The following RRAS2 variants were observed in gnomAD, a reference collection of about 807,000 sequenced individuals.
The protein encoded by RRAS2 is RAS related 2, also known as ras-related protein R-Ras2.
A neutral mutation model predicts 27.6 loss-of-function variants in RRAS2; 7 were observed. The observed-to-expected ratio is 0.25, with a 90% CI of 0.14 to 0.48. The LOEUF is 0.48. Among genes scored for constraint, RRAS2 ranks in the 20% least tolerant of loss-of-function variants. The probability of loss-of-function intolerance (pLI) is 0.99; values close to 1 mark genes in which losing one functional copy is unlikely to be tolerated. For missense variants in RRAS2, 178 were observed against 256.2 expected (o/e 0.69, Z 2.08); for synonymous variants, 86 against 90.9 (o/e 0.95, Z 0.31).
chr11:14,342,399 C>T (rs1426402707), intron 1 of RRAS2, among the ~76,000 whole-genome samples: 4 of 152,188 alleles, frequency 2.6e-5, no homozygotes, highest in Admixed American at 1.3e-4. Context: ...GAAATAATGA[C>T]CATGACGATG....
At chr11:14,324,207 A>C (rs1172018372) in intron 1 of RRAS2, among the ~76,000 whole-genome samples, 8 of 152,016 alleles carry the variant, frequency 5.3e-5, no homozygotes, top group Non-Finnish European at 1.2e-4. Context: ...GAATTCAGCA[A>C]GGTATTTGGA....
At chr11:14,286,412 G>C (rs1300639487) in intron 4 of RRAS2, among the ~76,000 whole-genome samples, 1 of 152,146 alleles carries the variant, frequency 6.6e-6, no homozygotes, top group African/African-American at 2.4e-5. Context: ...CAGGGTACCA[G>C]AACAGCATTT....
At chr11:14,342,939 C>T (rs986136331) in intron 1 of RRAS2, among the ~76,000 whole-genome samples, 13 of 151,978 alleles carry the variant, frequency 8.6e-5, no homozygotes, top group African/African-American at 2.9e-4. Flanking sequence ...GGAGTAAAAA[C>T]GAAGAAAAGT....
At chr11:14,306,388 G>A (rs1424469406) in intron 1 of RRAS2, among the ~76,000 whole-genome samples, 3 of 151,908 alleles carry the variant, frequency 2.0e-5, no homozygotes, top group South Asian at 2.1e-4. Flanking sequence ...GGCTGGTGTC[G>A]AACTCTAGGC....
At chr11:14,344,015 C>T (rs920548758) in intron 1 of RRAS2, among the ~76,000 whole-genome samples, 1 of 152,054 alleles carries the variant, frequency 6.6e-6, no homozygotes, top group Non-Finnish European at 1.5e-5. Context: ...TGGTGGCGCA[C>T]GCCTGTACTC....
At chr11:14,363,730 C>T (rs1554956410), upstream of RRAS2, among the ~76,000 whole-genome samples, 2 of 151,430 alleles carry the variant, frequency 1.3e-5, no homozygotes, top group Non-Finnish European at 2.9e-5. Flanking sequence ...GAGATCGTGC[C>T]ACTGCACTCC....
At chr11:14,342,319 CT>C (rs1238071226) in intron 1 of RRAS2, among the ~76,000 whole-genome samples, 3 of 152,334 alleles carry the variant, frequency 2.0e-5, no homozygotes, top group African/African-American at 7.2e-5. Flanking sequence ...CCCAGCTTCG[CT>C]TTTTACTTGC....
intron 1 of RRAS2, among the ~76,000 whole-genome samples, chr11:14,311,353 A>AC (rs1847960890): frequency 6.6e-6 from 1 of 152,140 alleles, no homozygotes; most frequent in Admixed American, 6.5e-5. Context: ...TCTTTAAAAA[A>AC]TAAAAATAAA....
At position 14,358,667 on chromosome 11, in the gene RRAS2, C is replaced by T. The variant is rs536114965; in HGVS notation, c.108+96G>A. 1,511 of 1,001,836 alleles carry T rather than the reference C, an allele frequency of 1.5e-3. 3 individuals are homozygous for T. The highest frequency in any genetic ancestry group is 1.7e-3 in the Non-Finnish European group (1,427 of 839,416). 62.1% of individuals were successfully genotyped at this position (1,001,836 alleles called of 1,614,324 possible). On this transcript the variant is annotated intron_variant, in intron 1 of 5. Coordinates refer to ENST00000256196, the MANE Select transcript of RRAS2 (RefSeq NM_012250.6). The surrounding 1 kb of genome is among the most constrained non-coding windows in gnomAD (Gnocchi z 5.1). ...GGCCCCGGCCCGGGCCCGCGAGGCGCCTCTGGGGCGAGGTCGCGGCGGCCG... is the reference window on the plus strand; with the variant it reads ...GGCCCCGGCCCGGGCCCGCGAGGCGTCTCTGGGGCGAGGTCGCGGCGGCCG...
intron 1 of RRAS2, among the ~76,000 whole-genome samples, chr11:14,341,281 C>T (rs1013030746): frequency 6.6e-6 from 1 of 152,130 alleles, no homozygotes; most frequent in Admixed American, 6.5e-5. Flanking sequence ...GTAAACCTAC[C>T]TCAAACTACA....
intron 1 of RRAS2, among the ~76,000 whole-genome samples, chr11:14,329,617 A>G (rs1014976419): frequency 6.6e-6 from 1 of 152,252 alleles, no homozygotes; most frequent in African/African-American, 2.4e-5. Flanking sequence ...TTCCTGCAGT[A>G]AACAGCAAAA....
intron 1 of RRAS2, among the ~76,000 whole-genome samples, chr11:14,345,298 T>C (rs1160364128): frequency 6.6e-6 from 1 of 152,174 alleles, no homozygotes; most frequent in African/African-American, 2.4e-5. Flanking sequence ...CACTCAAAAC[T>C]TGATACTAGC....
intron 1 of RRAS2, among the ~76,000 whole-genome samples, chr11:14,320,675 G>A (rs186480278): frequency 2.1e-3 from 325 of 151,926 alleles, no homozygotes; most frequent in Middle Eastern, 3.4e-3. Flanking sequence ...TAAAGCACAG[G>A]GAAAGAACTT....
Position 14,288,549 on chromosome 11 carries a change from T to C in RRAS2, c.408+5922A>G, listed in dbSNP as rs148894289. Among the ~76,000 whole-genome samples, 482 of 152,140 alleles carry C rather than the reference T, an allele frequency of 3.2e-3. 3 individuals are homozygous for C. In the Middle Eastern group the frequency reaches 0.054, roughly 17 times the overall value. On this transcript the variant is annotated intron_variant, in intron 4 of 5. Transcript: ENST00000256196. The stretch of plus-strand genomic sequence containing the variant: ...TACAAAAGTAAGTACTTCCTAGAGG[T>C]TCCTCAACCCAGATAATTTCATAAA...
chr11:14,360,200 A>T (rs1849172180), upstream of RRAS2, among the ~76,000 whole-genome samples: 1 of 151,552 alleles, frequency 6.6e-6, no homozygotes, highest in African/African-American at 2.4e-5. Flanking sequence ...CCATTTAAAA[A>T]AAAAAAAAAA....
At chr11:14,308,524 A>G (rs1847882593) in intron 1 of RRAS2, among the ~76,000 whole-genome samples, 1 of 152,216 alleles carries the variant, frequency 6.6e-6, no homozygotes. Flanking sequence ...AGCTCCTACA[A>G]TATGCCAAAT....
At position 14,304,713 on chromosome 11, in the gene RRAS2, T is replaced by C. The variant is rs140228915; in HGVS notation, c.109-8858A>G. On this transcript the variant is annotated intron_variant, in intron 1 of 5. Coordinates refer to ENST00000256196, the MANE Select transcript of RRAS2 (RefSeq NM_012250.6). The stretch of plus-strand genomic sequence containing the variant: ...AGCACAATAAGGACCTAGTTAGCCA[T>C]TGGTAGCCTCCATTTTCTAAAACAA... Among the ~76,000 whole-genome samples the C allele has an allele frequency of 3.1e-4, 47 of 152,322 alleles. No homozygotes were observed. The East Asian group carries it at 8.5e-3, about 28-fold the overall frequency.
At chr11:14,303,517 G>C (rs1847763133) in intron 1 of RRAS2, among the ~76,000 whole-genome samples, 1 of 152,158 alleles carries the variant, frequency 6.6e-6, no homozygotes, top group African/African-American at 2.4e-5. Context: ...CAGGAGGACT[G>C]CTTGAGCCCA....
intron 1 of RRAS2, among the ~76,000 whole-genome samples, chr11:14,341,250 C>G (rs782052472): frequency 2.0e-5 from 3 of 152,128 alleles, no homozygotes; most frequent in Non-Finnish European, 2.9e-5. Context: ...TAGTATGATA[C>G]TCCAGGTTTT....
Sources: gnomAD v4.1 joint callset for allele counts (sites outside exome capture counted in the v4.1 genomes callset) on GRCh38, gnomAD v4.1.1 for gene constraint, Gnocchi (gnomAD v3.1) non-coding constraint, MANE v1.5 for transcripts, NCBI Gene and HGNC (gene_info 2026-07-23, HGNC 2026-07-21) for gene names.